Variants in MYO18B observed in about 807,000 individuals in gnomAD.
MYO18B encodes unconventional myosin-XVIIIb.
In MYO18B, 204 loss-of-function variants were observed where a neutral mutation model predicts 273.0. That is an observed-to-expected ratio of 0.75 (90% CI 0.67 to 0.84). The LOEUF is 0.84. MYO18B is among the 40% of genes least tolerant of loss of function. The pLI is 0.00. For synonymous variants in MYO18B, 1,330 were observed against 1,305.7 expected, an observed-to-expected ratio of 1.02 and a Z score of -0.40; for missense variants, 3,212 against 3,287.6, an observed-to-expected ratio of 0.98 and a Z score of 0.56.
intron 21 of MYO18B, among the ~76,000 whole-genome samples, chr22:25,852,119 A>G (rs2090444293): frequency 1.3e-5 from 2 of 152,142 alleles, no homozygotes; most frequent in Non-Finnish European, 2.9e-5. Flanking sequence ...AGGGTCCAAA[A>G]TGTTTAGGAA....
At position 26,026,670 on chromosome 22, in the gene MYO18B, T is replaced by G; in HGVS notation, c.6696T>G (p.Ser2232Arg). 6.2e-7 allele frequency: 1 copy of G among 1,613,294 alleles called. No homozygotes were observed. Among genetic ancestry groups the G allele is most frequent in the South Asian group, 1.1e-5 (1 of 90,976 alleles). ...CTTCCTCTCCCCTGGCTTCTCGGAG[T>G]ACAAATACATCCCCGCTGTCGAGGG... ...EPASSPLASR[S>R]TNTSPLSREK... The change falls in exon 43 of 44, where the codon AGT becomes AGG. Residue 2232 changes from serine to arginine, a missense_variant. Physicochemically the swap from Ser to Arg is moderately radical, Grantham distance 110 (BLOSUM62 -1). Transcript: ENST00000335473.
intron 31 of MYO18B, among the ~76,000 whole-genome samples, chr22:25,906,792 T>C (rs2092054233): frequency 6.6e-6 from 1 of 151,672 alleles, no homozygotes; most frequent in Non-Finnish European, 1.5e-5. Context: ...CAAGAGAGAG[T>C]GTGTGAAGCA....
At chr22:25,992,572 C>T in intron 40 of MYO18B, 79 bp downstream of exon 40, 6 of 1,580,510 alleles carry the variant, frequency 3.8e-6, no homozygotes, top group Non-Finnish European at 4.3e-6. Flanking sequence ...TTTAGCCGGG[C>T]TGGGGCCACA....
At chr22:25,852,365 A>G (rs996600850) in intron 21 of MYO18B, among the ~76,000 whole-genome samples, 2 of 151,456 alleles carry the variant, frequency 1.3e-5, no homozygotes, top group African/African-American at 4.8e-5. Context: ...TCTGGCTTAC[A>G]GCAAGAGCTC....
At chr22:26,062,160 G>T in the MYO18B span, among the ~76,000 whole-genome samples, 2 of 152,090 alleles carry the variant, frequency 1.3e-5, no homozygotes, top group African/African-American at 4.8e-5. Context: ...CCCTTCTTCT[G>T]GTGACAGTAT....
the MYO18B span, among the ~76,000 whole-genome samples, chr22:26,037,748 T>G: frequency 6.6e-6 from 1 of 152,232 alleles, no homozygotes; most frequent in African/African-American, 2.4e-5. Context: ...ACCCAATTTT[T>G]GGCATCAAAG....
intron 14 of MYO18B, 47 bp downstream of exon 14, chr22:25,826,546 A>G (rs771591884): frequency 1.3e-6 from 2 of 1,515,520 alleles, no homozygotes; most frequent in Non-Finnish European, 9.1e-7. Flanking sequence ...TTGCAGGTGC[A>G]CAGATGAATT....
At chr22:26,051,530 G>C in the MYO18B span, among the ~76,000 whole-genome samples, 1 of 152,306 alleles carries the variant, frequency 6.6e-6, no homozygotes, top group African/African-American at 2.4e-5. Flanking sequence ...AGCTAATAAG[G>C]AAAGAGATGG....
At chr22:25,955,866 A>G (rs928921252) in intron 39 of MYO18B, among the ~76,000 whole-genome samples, 2 of 152,206 alleles carry the variant, frequency 1.3e-5, no homozygotes, top group Admixed American at 6.5e-5. Flanking sequence ...TCTAGTAAAC[A>G]TAGAGCTATT....
chr22:26,002,673 AG>A (rs1477109934), intron 40 of MYO18B, among the ~76,000 whole-genome samples: 1 of 152,204 alleles, frequency 6.6e-6, no homozygotes, highest in Non-Finnish European at 1.5e-5. Flanking sequence ...TGAGCTTAAC[AG>A]GCCTGGGATC....
chr22:25,942,140 A>G (rs116140058), intron 34 of MYO18B, among the ~76,000 whole-genome samples: 2,541 of 152,270 alleles, frequency 0.017, 64 homozygotes, highest in African/African-American at 0.057. Flanking sequence ...AGAGGAGGAA[A>G]ACTGAGGCAT....
At chr22:25,823,333 C>T (rs2089354562) in intron 12 of MYO18B, among the ~76,000 whole-genome samples, 172 bp from the exon 13 acceptor site, 1 of 152,210 alleles carries the variant, frequency 6.6e-6, no homozygotes, top group African/African-American at 2.4e-5. Context: ...AAATCCGACT[C>T]CTCCAGGGCC....
intron 20 of MYO18B, 24 bp from the exon 21 acceptor site, chr22:25,851,446 T>C (rs2090424328): frequency 6.7e-7 from 1 of 1,500,656 alleles, no homozygotes; most frequent in African/African-American, 1.4e-5. Context: ...TGTGCTCTTC[T>C]CCTGCCTGCT....
intron 40 of MYO18B, among the ~76,000 whole-genome samples, chr22:26,001,056 AT>A (rs988183289): frequency 1.3e-5 from 2 of 151,742 alleles, no homozygotes; most frequent in African/African-American, 4.8e-5. Context: ...CTCTTATAAG[AT>A]TGTCCCTTTA....
chr22:25,772,196 C>G (rs1450720462), intron 6 of MYO18B, 138 bp from the exon 7 acceptor site: 6 of 724,142 alleles, frequency 8.3e-6, no homozygotes, highest in Non-Finnish European at 1.3e-5. Context: ...ATCCAGAGTC[C>G]CTGTGCTCTG....
chr22:25,821,220 C>G (rs2089267165), intron 12 of MYO18B, among the ~76,000 whole-genome samples: 1 of 151,904 alleles, frequency 6.6e-6, no homozygotes, highest in Admixed American at 6.5e-5. Flanking sequence ...GTAGTTCTAT[C>G]TATAGTTTTT....
chr22:25,802,766 A>AAAC (rs1569041049), intron 12 of MYO18B, among the ~76,000 whole-genome samples: 3 of 98,656 alleles, frequency 3.0e-5, no homozygotes, highest in African/African-American at 3.3e-5. Context: ...AAAAAAAAAA[A>AAAC]AAAAAAAAAA....
In MYO18B at chr22:25,768,836, A is replaced by G. The variant is rs2086608080; in HGVS notation, c.920A>G (p.Lys307Arg). 2 of 1,612,120 alleles carry G rather than the reference A, an allele frequency of 1.2e-6. No homozygotes were observed. Among genetic ancestry groups the G allele is most frequent in the Non-Finnish European group, 1.7e-6 (2 of 1,179,202 alleles). ...TCTAAGGACGTAGGGAGTGAAGGGA[A>G]GCACGTAAGGCCCCAAATCCCTGGG... ...NVSKDVGSEG[K>R]HVRPQIPGRK... is the part of the protein sequence containing the mutation. Residue 307 changes from lysine to arginine, a missense_variant, in exon 4 of 44, where the codon AAG becomes AGG. Lys to Arg is a conservative substitution (Grantham distance 26). Transcript: ENST00000335473.
At chr22:26,056,780 C>A in the MYO18B span, among the ~76,000 whole-genome samples, 37 of 152,126 alleles carry the variant, frequency 2.4e-4, 1 homozygote, top group Admixed American at 2.4e-3. Context: ...GATTTGGGAG[C>A]CTTTTGGTGA....
Sources: gnomAD v4.1 joint callset for allele counts (sites outside exome capture counted in the v4.1 genomes callset) on GRCh38, gnomAD v4.1.1 for gene constraint, MANE v1.5 for transcripts, NCBI Gene and HGNC (gene_info 2026-07-23, HGNC 2026-07-21) for gene names.